The following FAM107B variants were observed in gnomAD, a reference collection of about 807,000 sequenced individuals.
FAM107B encodes protein FAM107B.
In FAM107B, 21 loss-of-function variants were observed where a neutral mutation model predicts 31.5. That is an observed-to-expected ratio of 0.67 (90% CI 0.47 to 0.96). The LOEUF (loss-of-function observed/expected upper bound fraction) is 0.96, where lower values mean the gene tolerates loss of function less well. Among genes scored for constraint, FAM107B ranks in the 40% least tolerant of loss-of-function variants. FAM107B has a pLI of 0.00. For synonymous variants in FAM107B, 157 were observed against 141.5 expected (o/e 1.11, Z -0.78); for missense variants, 452 against 377.1 (o/e 1.20, Z -1.64).
At chr10:14,612,982 A>G (rs1016949867) in intron 2 of FAM107B, among the ~76,000 whole-genome samples, 1 of 152,060 alleles carries the variant, frequency 6.6e-6, no homozygotes, top group Non-Finnish European at 1.5e-5. Context: ...AATTTTATTT[A>G]TTTATTTGAG....
chr10:14,555,827 C>A (rs963900402), intron 2 of FAM107B: 1 of 152,108 alleles, frequency 6.6e-6, no homozygotes, highest in African/African-American at 2.4e-5. Context: ...TCACCTGAGC[C>A]CTGGCCTAGG....
intron 2 of FAM107B, among the ~76,000 whole-genome samples, chr10:14,581,296 C>T (rs140699890): frequency 6.6e-6 from 1 of 152,212 alleles, no homozygotes; most frequent in African/African-American, 2.4e-5. Flanking sequence ...CACAGAGGCC[C>T]TGGGCAAGCA....
chr10:14,618,826 G>C (rs1220967662), intron 2 of FAM107B, among the ~76,000 whole-genome samples: 1 of 151,546 alleles, frequency 6.6e-6, no homozygotes, highest in Non-Finnish European at 1.5e-5. Flanking sequence ...GACAGAGTGA[G>C]ACTGCTTAAA....
rs572802136 is a variant in FAM107B, at chr10:14,703,753, C to A, written c.412-36062G>T. The stretch of plus-strand genomic sequence containing the variant: ...AATGTGGTATCCAATTCTGCTTTAG[C>A]AATCAGTCAGGAAAAGCTTCCAGTT... On this transcript the variant is annotated intron_variant, in intron 1 of 4. Transcript: ENST00000181796. Among the ~76,000 whole-genome samples, 69 of 152,306 alleles carry A rather than the reference C, an allele frequency of 4.5e-4. No homozygotes were observed. In the South Asian group the frequency reaches 0.013, roughly 30 times the overall value.
intron 2 of FAM107B, among the ~76,000 whole-genome samples, chr10:14,629,794 G>A (rs1032603672): frequency 8.0e-5 from 12 of 150,840 alleles, no homozygotes; most frequent in Non-Finnish European, 1.6e-4. Context: ...ATTACAGCGT[G>A]AGCCACCACG....
intron 2 of FAM107B, among the ~76,000 whole-genome samples, chr10:14,594,504 A>G (rs1852118939): frequency 7.4e-6 from 1 of 135,880 alleles, no homozygotes; most frequent in South Asian, 2.5e-4. Flanking sequence ...ACCCTGCCAA[A>G]AAAAAAAAAA....
chr10:14,537,491 G>C (rs1174133214), intron 2 of FAM107B, among the ~76,000 whole-genome samples: 1 of 152,102 alleles, frequency 6.6e-6, no homozygotes, highest in African/African-American at 2.4e-5. Flanking sequence ...AGTTTAACAA[G>C]GCAACAATGA....
intron 1 of FAM107B, among the ~76,000 whole-genome samples, chr10:14,766,392 C>T (rs775763612): frequency 1.3e-5 from 2 of 152,122 alleles, no homozygotes; most frequent in Non-Finnish European, 2.9e-5. Context: ...GACCTGTTGA[C>T]CTGAGTTTCC....
rs1554759098 is a variant in FAM107B at position 14,772,362 on chromosome 10, A to AATATATATAT, written c.411+1881_411+1890dup. On this transcript the variant is annotated intron_variant, in intron 1 of 4. Transcript: ENST00000181796. ...GAGCAAGACTCCATCTTAAAAAAAA[A>AATATATATAT]ATATATATATATATATATGCACCTC... 2.4e-4 allele frequency among the ~76,000 whole-genome samples: 35 copies of AATATATATAT among 145,570 alleles called. 1 individual carries two copies. The highest frequency in any genetic ancestry group is 8.9e-4 in the African/African-American group (34 of 38,288).
chr10:14,610,340 T>A (rs895996009), intron 2 of FAM107B, among the ~76,000 whole-genome samples: 1 of 151,656 alleles, frequency 6.6e-6, no homozygotes, highest in African/African-American at 2.4e-5. Context: ...AAGACTCCAC[T>A]TCAAAAAAAA....
chr10:14,749,256 C>T (rs534589976), intron 1 of FAM107B, among the ~76,000 whole-genome samples: 1 of 152,222 alleles, frequency 6.6e-6, no homozygotes, highest in East Asian at 1.9e-4. Flanking sequence ...GTGTGATCTG[C>T]CAGACTCTTA....
At chr10:14,545,290 T>G (rs1848590693) in intron 2 of FAM107B, among the ~76,000 whole-genome samples, 2 of 152,170 alleles carry the variant, frequency 1.3e-5, no homozygotes, top group Admixed American at 1.3e-4. Flanking sequence ...GTGCTCTTTC[T>G]GCTAAATTAA....
chr10:14,530,626 G>T, intron 2 of FAM107B, 111 bp from the exon 3 acceptor site: 1 of 978,482 alleles, frequency 1.0e-6, no homozygotes, highest in Non-Finnish European at 1.5e-6. Flanking sequence ...CCATCCTCCT[G>T]AGTCCACTCT....
chr10:14,603,947 A>G (rs1276542039), intron 2 of FAM107B, among the ~76,000 whole-genome samples: 1 of 149,238 alleles, frequency 6.7e-6, no homozygotes, highest in Non-Finnish European at 1.5e-5. Context: ...CCGAGAAGGC[A>G]ACAATGAGCC....
chr10:14,531,794 C>T (rs1023237349), intron 2 of FAM107B, among the ~76,000 whole-genome samples: 1 of 152,112 alleles, frequency 6.6e-6, no homozygotes, highest in African/African-American at 2.4e-5. Context: ...GAGATCGCAC[C>T]ATTGCACTCA....
intron 1 of FAM107B, among the ~76,000 whole-genome samples, chr10:14,728,488 G>A (rs916832642): frequency 6.6e-6 from 1 of 152,120 alleles, no homozygotes; most frequent in African/African-American, 2.4e-5. Context: ...CATTCCAAGT[G>A]GCTGCAGAAG....
intron 2 of FAM107B, among the ~76,000 whole-genome samples, chr10:14,619,546 T>G (rs1852944040): frequency 6.6e-6 from 1 of 152,208 alleles, no homozygotes; most frequent in Non-Finnish European, 1.5e-5. Context: ...TCTTAATAAG[T>G]TGTAAGAGTT....
At chr10:14,694,114 T>C (rs1471987708) in intron 1 of FAM107B, among the ~76,000 whole-genome samples, 2 of 152,260 alleles carry the variant, frequency 1.3e-5, no homozygotes, top group Admixed American at 1.3e-4. Context: ...TATCCATTCA[T>C]GCACTGATGG....
At chr10:14,655,021 G>T (rs1854007951) in intron 2 of FAM107B, among the ~76,000 whole-genome samples, 1 of 152,290 alleles carries the variant, frequency 6.6e-6, no homozygotes, top group Admixed American at 6.5e-5. Flanking sequence ...TTGACTCATG[G>T]TTCTGCAGGC....
Sources: allele counts gnomAD v4.1 joint callset (sites outside exome capture counted in the v4.1 genomes callset), GRCh38; gene constraint gnomAD v4.1.1; transcripts MANE v1.5; gene names NCBI Gene and HGNC (gene_info 2026-07-23, HGNC 2026-07-21).